The following TNRC6A variants were observed in gnomAD, a reference collection of about 807,000 sequenced individuals.
TNRC6A encodes the protein trinucleotide repeat-containing gene 6A protein.
A neutral mutation model predicts 221.2 loss-of-function variants in TNRC6A; 44 were observed. That is an observed-to-expected ratio of 0.20 (90% CI 0.16 to 0.26). The LOEUF is 0.26. TNRC6A is among the 10% of genes least tolerant of loss of function. The pLI, the probability that TNRC6A is intolerant of heterozygous loss-of-function variation, is 1.00. For missense variants in TNRC6A, 2,199 were observed against 2,404.4 expected (o/e 0.91, Z 1.79); for synonymous variants, 847 against 838.5 (o/e 1.01, Z -0.18).
At chr16:24,811,569 A>G (rs756038306) in intron 18 of TNRC6A, among the ~76,000 whole-genome samples, 1 of 152,200 alleles carries the variant, frequency 6.6e-6, no homozygotes, top group Non-Finnish European at 1.5e-5. Flanking sequence ...GAGCGGGGCT[A>G]GAATTTTAAG....
At chr16:24,742,753 C>T (rs778091427) in intron 2 of TNRC6A, among the ~76,000 whole-genome samples, 2 of 152,114 alleles carry the variant, frequency 1.3e-5, no homozygotes, top group East Asian at 1.9e-4. Context: ...GAAATCTTGT[C>T]TCTACTAAAA....
At position 24,822,091 on chromosome 16, in the gene TNRC6A, G is replaced by A; in HGVS notation, c.5317G>A (p.Glu1773Lys). The A allele has an allele frequency of 6.2e-7, 1 of 1,614,162 alleles. No homozygotes were observed. The change falls in exon 23 of 25, where the codon GAG becomes AAG. Residue 1773 changes from glutamate (E) to lysine (K), a missense_variant. Coordinates refer to ENST00000395799, the MANE Select transcript of TNRC6A (RefSeq NM_014494.4). ...ARYTPGSSWG[E>K]SSSGRITNWL... is the part of the protein sequence containing the mutation. ...TCCTTGTTTAGGTTCCAGCTGGGGT[G>A]AGAGCAGCTCAGGGAGAATAACAAA...
chr16:24,685,447 C>T (rs930344331), intron 2 of TNRC6A, among the ~76,000 whole-genome samples: 1 of 152,130 alleles, frequency 6.6e-6, no homozygotes, highest in African/African-American at 2.4e-5. Flanking sequence ...AGTGATCCTA[C>T]CACCTCAGCC....
intron 4 of TNRC6A, chr16:24,776,724 G>GGGTA (rs1168445775): frequency 4.1e-6 from 4 of 985,262 alleles, no homozygotes; most frequent in Admixed American, 6.2e-5. Flanking sequence ...GGCCCTTATT[G>GGGTA]GGTAGGTAGG....
At chr16:24,656,243 A>G (rs1413720152) in intron 2 of TNRC6A, among the ~76,000 whole-genome samples, 1 of 151,982 alleles carries the variant, frequency 6.6e-6, no homozygotes, top group African/African-American at 2.4e-5. Context: ...CAGGTGGATC[A>G]CCTGAGGTCA....
intron 2 of TNRC6A, among the ~76,000 whole-genome samples, chr16:24,703,806 G>A (rs1192716742): frequency 2.6e-5 from 4 of 151,398 alleles, no homozygotes; most frequent in Non-Finnish European, 5.9e-5. Flanking sequence ...TTTTTTGGCC[G>A]GGCGTGGTGG....
At chr16:24,705,246 G>A (rs903284206) in intron 2 of TNRC6A, among the ~76,000 whole-genome samples, 21 of 152,086 alleles carry the variant, frequency 1.4e-4, no homozygotes, top group African/African-American at 4.6e-4. Flanking sequence ...TTAATGCATG[G>A]CACATCTAGA....
chr16:24,631,355 C>T (rs1901329497), intron 1 of TNRC6A, among the ~76,000 whole-genome samples: 2 of 152,312 alleles, frequency 1.3e-5, no homozygotes, highest in African/African-American at 4.8e-5. Flanking sequence ...CCCTCAGCAA[C>T]ATTCGACACA....
At position 24,789,761 on chromosome 16, in the gene TNRC6A, A is replaced by G. The variant is rs2058056857; in HGVS notation, c.1119A>G (p.Leu373=). Reference sequence around the variant, plus strand: ...GCAACCATGGTGCCTGGCCAGTATTAGAGAACAATGGACTTGCCCTAAAAG... The same window carrying G: ...GCAACCATGGTGCCTGGCCAGTATTGGAGAACAATGGACTTGCCCTAAAAG... ...SASNHGAWPV[L]ENNGLALKGP... is the part of the protein sequence containing the mutation. The change falls in exon 6 of 25, where the codon TTA becomes TTG. Residue 373 remains leucine, a synonymous_variant. Coordinates refer to ENST00000395799, the MANE Select transcript of TNRC6A (RefSeq NM_014494.4). The G allele has an allele frequency of 1.9e-6, 3 of 1,614,128 alleles. No individual in the cohort carries two copies. In the South Asian group the frequency reaches 3.3e-5, roughly 18 times the overall value.
At chr16:24,749,335 C>T (rs2057084217) in intron 2 of TNRC6A, among the ~76,000 whole-genome samples, 3 of 152,136 alleles carry the variant, frequency 2.0e-5, no homozygotes, top group Admixed American at 6.5e-5. Flanking sequence ...TGGCAGCAGC[C>T]TCCAGTAAGA....
At chr16:24,763,099 G>T (rs2057398004) in intron 4 of TNRC6A, among the ~76,000 whole-genome samples, 1 of 152,098 alleles carries the variant, frequency 6.6e-6, no homozygotes, top group Non-Finnish European at 1.5e-5. Flanking sequence ...GGTTGTTGAT[G>T]AAAATGAACA....
At chr16:24,804,485 T>C in intron 12 of TNRC6A, 166 bp downstream of exon 12, 1 of 1,090,264 alleles carries the variant, frequency 9.2e-7, no homozygotes, top group South Asian at 1.8e-5. Flanking sequence ...TCTCAATTTA[T>C]CATAGAGGTT....
intron 14 of TNRC6A, 132 bp from the exon 15 acceptor site, chr16:24,805,471 CAG>C (rs2058411197): frequency 1.6e-5 from 21 of 1,295,360 alleles, no homozygotes; most frequent in Middle Eastern, 2.3e-4. Flanking sequence ...GTTAGTAAGA[CAG>C]AGACAAAGAC....
rs374606800 is a variant in TNRC6A at position 24,619,280 on chromosome 16, T to C, written n.276+8796T>C. On this transcript the variant is annotated intron_variant and non_coding_transcript_variant, in intron 1 of 2. Coordinates refer to the TNRC6A transcript ENST00000566108. The stretch of plus-strand genomic sequence containing the variant: ...TCATCGTGGGTCTCACTCTCAGAGA[T>C]TAAATTGGAGAAGGGAAAATAGAGA... 3.3e-5 allele frequency among the ~76,000 whole-genome samples: 5 copies of C among 152,276 alleles called. No individual in the cohort carries two copies. In the South Asian group the frequency reaches 1.0e-3, roughly 32 times the overall value.
chr16:24,733,518 A>G (rs1416637125), intron 2 of TNRC6A, among the ~76,000 whole-genome samples: 4 of 152,248 alleles, frequency 2.6e-5, no homozygotes, highest in African/African-American at 9.6e-5. Context: ...TACCATTAGA[A>G]CTGAACTTTG....
chr16:24,775,491 G>A (rs1407441985), intron 4 of TNRC6A, among the ~76,000 whole-genome samples: 1 of 152,202 alleles, frequency 6.6e-6, no homozygotes, highest in Non-Finnish European at 1.5e-5. Context: ...AAAATGGGGA[G>A]ATCAGTTTGT....
At chr16:24,747,232 A>G (rs1381050297) in intron 2 of TNRC6A, among the ~76,000 whole-genome samples, 1 of 152,228 alleles carries the variant, frequency 6.6e-6, no homozygotes, top group African/African-American at 2.4e-5. Context: ...ACACCCTTGT[A>G]ATTATCACTC....
intron 11 of TNRC6A, among the ~76,000 whole-genome samples, chr16:24,803,274 C>T (rs1313930702): frequency 2.6e-5 from 4 of 151,666 alleles, no homozygotes; most frequent in African/African-American, 9.7e-5. Flanking sequence ...AAAAAATTAG[C>T]TGGGTGTGGT....
chr16:24,758,786 G>C (rs1478090986), intron 4 of TNRC6A, among the ~76,000 whole-genome samples: 1 of 152,040 alleles, frequency 6.6e-6, no homozygotes, highest in African/African-American at 2.4e-5. Flanking sequence ...CTTATAGACA[G>C]ATAGTGACAT....
Sources: gnomAD v4.1 joint callset for allele counts (sites outside exome capture counted in the v4.1 genomes callset) on GRCh38, gnomAD v4.1.1 for gene constraint, MANE v1.5 for transcripts, NCBI Gene and HGNC (gene_info 2026-07-23, HGNC 2026-07-21) for gene names.